TMEM132D: variants seen among roughly 807,000 people sequenced by gnomAD.
TMEM132D encodes transmembrane protein 132D, also known as mature OL transmembrane protein.
In TMEM132D, 21 loss-of-function variants were observed where a neutral mutation model predicts 62.3. The ratio of observed to expected loss-of-function variants is 0.34; its 90% confidence interval spans 0.24 to 0.49. The LOEUF is 0.49. Ranked by LOEUF, TMEM132D falls within the 20% of genes least tolerant of loss-of-function variation. TMEM132D has a pLI of 0.99. For synonymous variants in TMEM132D, 621 were observed against 575.6 expected (o/e 1.08, Z -1.13); for missense variants, 1,346 against 1,402.8 (o/e 0.96, Z 0.65).
chr12:129,606,850 T>C (rs1309479744), intron 2 of TMEM132D, among the ~76,000 whole-genome samples: 1 of 152,196 alleles, frequency 6.6e-6, no homozygotes, highest in East Asian at 1.9e-4. Flanking sequence ...ATGCTTGTTA[T>C]ATGATGTAAC....
intron 4 of TMEM132D, among the ~76,000 whole-genome samples, chr12:129,221,669 T>C (rs747162421): frequency 4.6e-5 from 7 of 152,102 alleles, no homozygotes; most frequent in Non-Finnish European, 8.8e-5. Flanking sequence ...CTAACTGTGG[T>C]TGACTTCTTA....
chr12:129,407,363 C>T (rs1036698213), intron 3 of TMEM132D, among the ~76,000 whole-genome samples: 1 of 152,098 alleles, frequency 6.6e-6, no homozygotes, highest in African/African-American at 2.4e-5. Flanking sequence ...ATTCTGGGAT[C>T]CTTGGAAATG....
chr12:129,348,468 C>T (rs1326762393), intron 3 of TMEM132D, among the ~76,000 whole-genome samples: 2 of 152,066 alleles, frequency 1.3e-5, no homozygotes, highest in Non-Finnish European at 2.9e-5. Flanking sequence ...GAAAACCAAA[C>T]ACCACGTGTT....
chr12:129,480,509 A>G (rs1425246419), intron 3 of TMEM132D, among the ~76,000 whole-genome samples: 2 of 152,218 alleles, frequency 1.3e-5, no homozygotes, highest in Non-Finnish European at 2.9e-5. Flanking sequence ...GTGAATGAGC[A>G]AAATCATCAA....
At chr12:129,299,098 T>G (rs1009117372) in intron 4 of TMEM132D, among the ~76,000 whole-genome samples, 1 of 152,192 alleles carries the variant, frequency 6.6e-6, no homozygotes, top group Admixed American at 6.5e-5. Context: ...GTATGGCTCA[T>G]CAGAGCCAAA....
At chr12:129,532,823 G>A (rs1460080621) in intron 2 of TMEM132D, among the ~76,000 whole-genome samples, 1 of 152,228 alleles carries the variant, frequency 6.6e-6, no homozygotes, top group South Asian at 2.1e-4. Flanking sequence ...TGGCAGTGCT[G>A]TCCCAGCCAT....
At chr12:129,785,027 A>C (rs1871215235) in intron 1 of TMEM132D, among the ~76,000 whole-genome samples, 1 of 152,152 alleles carries the variant, frequency 6.6e-6, no homozygotes, top group African/African-American at 2.4e-5. Flanking sequence ...TGGCACGTTT[A>C]TTTTCGTTGC....
intron 3 of TMEM132D, among the ~76,000 whole-genome samples, chr12:129,392,895 T>A (rs564800734): frequency 2.6e-5 from 4 of 152,150 alleles, no homozygotes; most frequent in Admixed American, 1.3e-4. Flanking sequence ...ACAAGACCCA[T>A]CGAGGATGCA....
At chr12:129,459,763 A>G (rs7488119) in intron 3 of TMEM132D, among the ~76,000 whole-genome samples, 149,169 of 152,308 alleles carry the variant, frequency 0.98, 73,127 homozygotes, top group East Asian at 1. Flanking sequence ...ATAACAGATC[A>G]GAAATATTCA....
At chr12:129,663,951 A>C in intron 2 of TMEM132D, among the ~76,000 whole-genome samples, 1 of 151,316 alleles carries the variant, frequency 6.6e-6, no homozygotes, top group East Asian at 1.9e-4. Flanking sequence ...ATTAGGAAAA[A>C]CAAAATCACT....
At chr12:129,501,497 A>G (rs1875138525) in intron 3 of TMEM132D, among the ~76,000 whole-genome samples, 1 of 152,064 alleles carries the variant, frequency 6.6e-6, no homozygotes, top group African/African-American at 2.4e-5. Flanking sequence ...TTAACAGCAG[A>G]TTTTTTTAAT....
At chr12:129,728,800 G>T (rs1869120786) in intron 1 of TMEM132D, among the ~76,000 whole-genome samples, 1 of 152,146 alleles carries the variant, frequency 6.6e-6, no homozygotes, top group Non-Finnish European at 1.5e-5. Context: ...AACAGACATT[G>T]CCCAAACTCA....
At chr12:129,413,127 A>G (rs1199121343) in intron 3 of TMEM132D, among the ~76,000 whole-genome samples, 5 of 152,196 alleles carry the variant, frequency 3.3e-5, no homozygotes, top group Admixed American at 6.5e-5. Context: ...AAGGAACATA[A>G]GTGATATGGT....
At chr12:129,889,969 C>A (rs7136302) in intron 1 of TMEM132D, among the ~76,000 whole-genome samples, 2,989 of 152,190 alleles carry the variant, frequency 0.02, 103 homozygotes, top group African/African-American at 0.068. Context: ...TCCTAGAAGC[C>A]TCATGAAAAG....
chr12:129,452,721 G>A (rs961127309), intron 3 of TMEM132D, among the ~76,000 whole-genome samples: 11 of 151,638 alleles, frequency 7.3e-5, no homozygotes, highest in Non-Finnish European at 1.3e-4. Flanking sequence ...AGAAAGGAGG[G>A]GAGAGAGAGA....
intron 4 of TMEM132D, among the ~76,000 whole-genome samples, chr12:129,298,344 C>T (rs919169258): frequency 1.6e-4 from 24 of 152,100 alleles, no homozygotes; most frequent in Non-Finnish European, 2.8e-4. Flanking sequence ...ATCAACACAT[C>T]GCAATTGTAT....
At chr12:129,578,408 A>ATGTGTGTGTGTGTGTGTGTGTG (rs143488724) in intron 2 of TMEM132D, among the ~76,000 whole-genome samples, 3 of 144,774 alleles carry the variant, frequency 2.1e-5, no homozygotes, top group Admixed American at 7.0e-5. Context: ...TAATACAATT[A>ATGTGTGTGTGTGTGTGTGTGTG]TGTGTGTGTG....
chr12:129,539,393 G>A (rs1459756257), intron 2 of TMEM132D, among the ~76,000 whole-genome samples: 1 of 145,764 alleles, frequency 6.9e-6, no homozygotes, highest in Admixed American at 6.9e-5. Context: ...CACCACATTT[G>A]GCTAATTTTT....
At chr12:129,338,882 G>A (rs11060258) in intron 3 of TMEM132D, among the ~76,000 whole-genome samples, 28,727 of 152,058 alleles carry the variant, frequency 0.19, 2,818 homozygotes, top group South Asian at 0.21. Context: ...GGCTTCCAGG[G>A]AGCCTTGTTC....
Sources: gnomAD v4.1 joint callset for allele counts (sites outside exome capture counted in the v4.1 genomes callset) on GRCh38, gnomAD v4.1.1 for gene constraint, MANE v1.5 for transcripts, NCBI Gene and HGNC (gene_info 2026-07-23, HGNC 2026-07-21) for gene names.